The following CACNA2D2 variants were observed in gnomAD, a reference collection of about 807,000 sequenced individuals.
CACNA2D2 encodes voltage-dependent calcium channel subunit alpha-2/delta-2.
CACNA2D2 carries 48 observed loss-of-function variants against 166.4 expected under a neutral mutation model. That is an observed-to-expected ratio of 0.29 (90% confidence interval 0.23 to 0.37). CACNA2D2 has a LOEUF of 0.37. CACNA2D2 is among the 10% of genes least tolerant of loss of function. The pLI is 1.00. For missense variants in CACNA2D2, 1,122 were observed against 1,433.0 expected (o/e 0.78, Z 3.50); for synonymous variants, 561 against 573.7 (o/e 0.98, Z 0.32).
intron 2 of CACNA2D2, among the ~76,000 whole-genome samples, chr3:50,452,317 C>T (rs1458592740): frequency 1.3e-5 from 2 of 152,246 alleles, no homozygotes; most frequent in Non-Finnish European, 2.9e-5. Flanking sequence ...AGAGTACTCT[C>T]CAGTAAACAC....
chr3:50,385,547 C>A (rs587650743), intron 5 of CACNA2D2, among the ~76,000 whole-genome samples: 5 of 152,202 alleles, frequency 3.3e-5, no homozygotes, highest in African/African-American at 4.8e-5. Flanking sequence ...CAGCCAGATG[C>A]GCTCTCCACA....
At position 50,381,067 on chromosome 3, in the gene CACNA2D2, T is replaced by C; in HGVS notation, c.712A>G (p.Asn238Asp). 6.2e-7 allele frequency: 1 copy of C among 1,613,888 alleles called. No homozygotes were observed. The highest frequency in any genetic ancestry group is 8.5e-7 in the Non-Finnish European group (1 of 1,179,914). ...TEALENVFME[N>D]RRQDPTLLWQ... ...AGCAGTGTGGGGTCTTGTCTGCGGTTTTCCATGAACACATTCTCCAGGGCC... is the reference window on the plus strand; with the variant it reads ...AGCAGTGTGGGGTCTTGTCTGCGGTCTTCCATGAACACATTCTCCAGGGCC... Residue 238 changes from asparagine (N) to aspartate (D), a missense_variant, in exon 7 of 38, where the codon AAC becomes GAC. Asn to Asp is a conservative substitution (Grantham distance 23). Coordinates refer to ENST00000424201, the MANE Select transcript of CACNA2D2 (RefSeq NM_006030.4).
At chr3:50,431,366 C>G (rs1476585673) in intron 3 of CACNA2D2, among the ~76,000 whole-genome samples, 1 of 152,156 alleles carries the variant, frequency 6.6e-6, no homozygotes, top group Non-Finnish European at 1.5e-5. Context: ...TCTCGTGTGT[C>G]TACAGCCAGG....
chr3:50,369,812 A>C (rs990894703), intron 23 of CACNA2D2, among the ~76,000 whole-genome samples: 1 of 151,302 alleles, frequency 6.6e-6, no homozygotes, highest in East Asian at 1.9e-4. Context: ...CAAAGCCCCC[A>C]CTCTCCTCCC....
At position 50,364,716 on chromosome 3, in the gene CACNA2D2, G is replaced by T; in HGVS notation, c.3382C>A (p.Pro1128Thr). Residue 1128 changes from proline (P) to threonine (T), a missense_variant, in exon 38 of 38, where the codon CCG (proline) becomes ACG (threonine). By Grantham distance (38) the Pro-to-Thr change is conservative (BLOSUM62 -1). This residue lies in a region of CACNA2D2 where 282 missense variants were observed against 266.2 expected (regional missense o/e 1.06). Coordinates refer to ENST00000424201, the MANE Select transcript of CACNA2D2 (RefSeq NM_006030.4). ...SLQLLLLLGLPPRPQPQVLVH... is the reference protein window; with the variant it reads ...SLQLLLLLGLTPRPQPQVLVH... ...AGGACTTGAGGCTGCGGCCGGGGCG[G>T]CAGGCCCAGGAGGAGCAGCAGTTGC... 1.3e-6 allele frequency: 2 copies of T among 1,548,304 alleles called. No individual in the cohort carries two copies. Among genetic ancestry groups the T allele is most frequent in the South Asian group, 1.2e-5 (1 of 84,662 alleles).
intron 22 of CACNA2D2, among the ~76,000 whole-genome samples, chr3:50,372,248 T>C (rs1284625179): frequency 6.6e-6 from 1 of 152,182 alleles, no homozygotes; most frequent in African/African-American, 2.4e-5. Flanking sequence ...CCTGATTTCC[T>C]CCAAACACCT....
At position 50,417,818 on chromosome 3, in the gene CACNA2D2, G is replaced by C. The variant is rs552487881; in HGVS notation, c.405+16495C>G. ...CTTTGCTTCCTGCCTGGCCCACAAG[G>C]TCCCTGAGGGCAGGACCAGGCCGAC... On this transcript the variant is annotated intron_variant, in intron 3 of 37. Coordinates refer to ENST00000424201, the MANE Select transcript of CACNA2D2 (RefSeq NM_006030.4). Among the ~76,000 whole-genome samples, 5 of 152,286 alleles carry C rather than the reference G, an allele frequency of 3.3e-5. No individual in the cohort carries two copies. The East Asian group carries it at 9.6e-4, about 29-fold the overall frequency.
At chr3:50,387,741 G>C (rs1023234022) in intron 4 of CACNA2D2, 129 bp from the exon 5 acceptor site, 2 of 728,478 alleles carry the variant, frequency 2.7e-6, no homozygotes, top group Non-Finnish European at 4.6e-6. Flanking sequence ...CCCCCACCCA[G>C]AGCCCCCCTC....
chr3:50,378,921 T>C lies in CACNA2D2; in HGVS notation c.1333A>G (p.Asn445Asp), dbSNP rs764680848. 1 of 1,613,788 alleles carries C rather than the reference T, an allele frequency of 6.2e-7. No individual in the cohort carries two copies. The highest frequency in any genetic ancestry group is 8.5e-7 in the Non-Finnish European group (1 of 1,180,028). ...VTPLQWMACA[N>D]KGYYFEIPSI... ...TGATGCGCAGGGGAGGTACCTTTGT[T>C]GGCACAGGCCATCCACTGCAGCGGT... Residue 445 changes from asparagine (N) to aspartate (D), a missense_variant, in exon 13 of 38, where the codon AAC (asparagine) becomes GAC (aspartate). Around this residue, in one of 2 missense-constraint regions of CACNA2D2, gnomAD observed 840 missense variants for 1,166.8 expected, o/e 0.72. Coordinates refer to ENST00000424201, the MANE Select transcript of CACNA2D2 (RefSeq NM_006030.4).
intron 3 of CACNA2D2, among the ~76,000 whole-genome samples, chr3:50,406,198 T>G (rs969218512): frequency 5.3e-5 from 8 of 151,814 alleles, no homozygotes; most frequent in African/African-American, 1.9e-4. Context: ...GCTAATGCCA[T>G]GCAAATTGGC....
chr3:50,492,885 G>A (rs940347415), intron 1 of CACNA2D2, among the ~76,000 whole-genome samples: 6 of 152,208 alleles, frequency 3.9e-5, no homozygotes, highest in East Asian at 1.9e-4. Flanking sequence ...GCTTGGACCC[G>A]AGCACTAGGG....
At chr3:50,462,408 T>C (rs1010827425) in intron 2 of CACNA2D2, among the ~76,000 whole-genome samples, 4 of 146,050 alleles carry the variant, frequency 2.7e-5, no homozygotes, top group African/African-American at 1.0e-4. Flanking sequence ...ATAATAATAA[T>C]AATAATAATA....
At chr3:50,503,047 G>C (rs1264806946) in intron 1 of CACNA2D2, among the ~76,000 whole-genome samples, 171 bp downstream of exon 1, 1 of 152,208 alleles carries the variant, frequency 6.6e-6, no homozygotes, top group East Asian at 1.9e-4. Context: ...AGAGCGCCGG[G>C]ACCGCGGCTG....
intron 2 of CACNA2D2, among the ~76,000 whole-genome samples, chr3:50,466,509 A>C (rs986767068): frequency 6.6e-6 from 1 of 152,124 alleles, no homozygotes; most frequent in African/African-American, 2.4e-5. Context: ...ACTCCCATCT[A>C]TGGACACACA....
At chr3:50,418,408 T>A (rs1707370681) in intron 3 of CACNA2D2, among the ~76,000 whole-genome samples, 1 of 152,160 alleles carries the variant, frequency 6.6e-6, no homozygotes, top group Admixed American at 6.5e-5. Flanking sequence ...GCAAGCCCCT[T>A]CCTGCCTTTG....
chr3:50,476,183 G>A lies in CACNA2D2; in HGVS notation c.223C>T (p.Arg75Trp), dbSNP rs372777713. Residue 75 changes from arginine to tryptophan, a missense_variant, in exon 2 of 38, where the codon CGG (arginine) becomes TGG (tryptophan). Coordinates refer to ENST00000424201, the MANE Select transcript of CACNA2D2 (RefSeq NM_006030.4). The stretch of plus-strand genomic sequence containing the variant: ...CCGTCGACCTCCTGCTCCAGACGCC[G>A]GGCCCAGTGCTGCATCCTGTATGCA... Reference protein sequence around the residue: ...PQQHTMQHWARRLEQEVDGVM... With the variant: ...PQQHTMQHWAWRLEQEVDGVM... The A allele has an allele frequency of 1.0e-4, 162 of 1,593,950 alleles. No homozygotes were observed. The Middle Eastern group carries it at 1.8e-3, about 18-fold the overall frequency.
chr3:50,436,698 G>A (rs1311529938), intron 2 of CACNA2D2, among the ~76,000 whole-genome samples: 1 of 152,192 alleles, frequency 6.6e-6, no homozygotes, highest in Non-Finnish European at 1.5e-5. Flanking sequence ...TATTAGTTTG[G>A]GATCACCAGA....
intron 22 of CACNA2D2, chr3:50,372,975 G>T: frequency 9.7e-7 from 1 of 1,032,572 alleles, no homozygotes; most frequent in Non-Finnish European, 1.4e-6. Flanking sequence ...GCAGGGGTTT[G>T]GCTGGTCCTG....
Position 50,375,896 on chromosome 3 carries a change from A to G in CACNA2D2, c.1774-16T>C. Reference sequence around the variant, plus strand: ...TCCGACGGATCTGGAAGGGCCAGAGATGTGAGGGGCAGGGCCCCTACACTC... The same window carrying G: ...TCCGACGGATCTGGAAGGGCCAGAGGTGTGAGGGGCAGGGCCCCTACACTC... On this transcript the variant is annotated splice_polypyrimidine_tract_variant and intron_variant, in intron 19 of 37. Transcript: ENST00000424201. This position sits in a 1 kb window ranked among gnomAD's most constrained non-coding sequence, Gnocchi z 4.0. 6.2e-7 allele frequency: 1 copy of G among 1,612,744 alleles called. No individual in the cohort carries two copies. Among genetic ancestry groups the G allele is most frequent in the Non-Finnish European group, 8.5e-7 (1 of 1,179,892 alleles).
Sources: gnomAD v4.1 joint callset for allele counts (sites outside exome capture counted in the v4.1 genomes callset) on GRCh38, gnomAD v4.1.1 for gene constraint, gnomAD v4.1.1 regional missense constraint, Gnocchi (gnomAD v3.1) non-coding constraint, MANE v1.5 for transcripts, NCBI Gene and HGNC (gene_info 2026-07-23, HGNC 2026-07-21) for gene names.